The following SATB1 variants were observed in gnomAD, a reference collection of about 807,000 sequenced individuals.
SATB1 encodes the protein DNA-binding protein SATB1.
Under a neutral mutation model 86.9 loss-of-function variants are expected in SATB1, and 11 were observed. That is an observed-to-expected ratio of 0.13 (90% CI 0.08 to 0.21). SATB1 has a LOEUF of 0.21. SATB1 is among the 10% of genes least tolerant of loss of function. The probability of loss-of-function intolerance (pLI) is 1.00; values close to 1 mark genes in which losing one functional copy is unlikely to be tolerated. For missense variants in SATB1, 551 were observed against 937.6 expected, an observed-to-expected ratio of 0.59 and a Z score of 5.39; for synonymous variants, 357 against 357.2, an observed-to-expected ratio of 1.00 and a Z score of 0.01.
At chr3:18,389,604 C>T (rs986649490) in intron 7 of SATB1, among the ~76,000 whole-genome samples, 3 of 151,936 alleles carry the variant, frequency 2.0e-5, no homozygotes, top group East Asian at 1.9e-4. Flanking sequence ...GGACAGTAAG[C>T]GTGACCTTTT....
chr3:18,387,158 T>C (rs9758423), intron 7 of SATB1, among the ~76,000 whole-genome samples: 129,817 of 152,230 alleles, frequency 0.85, 55,506 homozygotes, highest in East Asian at 0.94. Flanking sequence ...CCTTAAACTC[T>C]GACTTATCAA....
At position 18,353,554 on chromosome 3, in the gene SATB1, T is replaced by C. The variant is rs1234152448; in HGVS notation, c.1576-1359A>G. 3.3e-5 allele frequency among the ~76,000 whole-genome samples: 5 copies of C among 152,138 alleles called. No homozygotes were observed. In the East Asian group the frequency reaches 7.7e-4, roughly 23 times the overall value. On this transcript the variant is annotated intron_variant, in intron 9 of 10. Transcript: ENST00000338745. The stretch of plus-strand genomic sequence containing the variant: ...GGAAGTATAGTTTTTTTTTTAATTA[T>C]GTAATTTTTAGATCTAGCCAAGGAG...
chr3:18,360,333 T>G (rs1015166262), intron 9 of SATB1, among the ~76,000 whole-genome samples: 2 of 152,156 alleles, frequency 1.3e-5, no homozygotes, highest in African/African-American at 4.8e-5. Context: ...TACCCTACTG[T>G]GCACCATGAC....
At chr3:18,415,059 A>G (rs1698043596) in intron 5 of SATB1, 52 bp downstream of exon 5, 2 of 1,601,682 alleles carry the variant, frequency 1.2e-6, no homozygotes, top group South Asian at 1.1e-5. Flanking sequence ...TCAAACCTCA[A>G]ATCAGGGTTG....
chr3:18,372,738 C>A (rs985214830), intron 9 of SATB1, among the ~76,000 whole-genome samples: 3 of 152,200 alleles, frequency 2.0e-5, no homozygotes, highest in Admixed American at 6.5e-5. Context: ...ATATTTAAAG[C>A]CATTAATTTT....
chr3:18,359,779 TCTC>T (rs922579354), intron 9 of SATB1, among the ~76,000 whole-genome samples: 1 of 151,854 alleles, frequency 6.6e-6, no homozygotes, highest in Non-Finnish European at 1.5e-5. Context: ...CTTTTAATTT[TCTC>T]CTCATTCTTC....
intron 2 of SATB1, among the ~76,000 whole-genome samples, chr3:18,432,414 G>A (rs558436582): frequency 4.6e-5 from 7 of 152,068 alleles, no homozygotes; most frequent in South Asian, 2.1e-4. Flanking sequence ...GAAAGAATTC[G>A]CGATAACAAT....
At chr3:18,358,509 C>CT (rs1694762096) in intron 9 of SATB1, among the ~76,000 whole-genome samples, 1 of 151,916 alleles carries the variant, frequency 6.6e-6, no homozygotes, top group Admixed American at 6.6e-5. Context: ...CTGTAAGTAA[C>CT]TTTTCCTGCT....
Position 18,349,298 on chromosome 3 carries a change from C to G in SATB1, c.2164G>C (p.Glu722Gln). The change falls in exon 11 of 11, where the codon GAG becomes CAG. Residue 722 changes from glutamate (E) to glutamine (Q), a missense_variant. Glu to Gln is a conservative substitution (Grantham distance 29). Around this residue, in one of 8 missense-constraint regions of SATB1, gnomAD observed 33 missense variants for 85.4 expected, o/e 0.39. Coordinates refer to ENST00000338745, the MANE Select transcript of SATB1 (RefSeq NM_002971.6). The surrounding 1 kb of genome is among the most constrained non-coding windows in gnomAD (Gnocchi z 5.5). ...LEVDVAEYKE[E>Q]ELLKDLEESV... Reference sequence around the variant, plus strand: ...TCTTCCAAATCCTTCAGCAGCTCCTCTTCTTTATATTCTGCCACATCGACC... The same window carrying G: ...TCTTCCAAATCCTTCAGCAGCTCCTGTTCTTTATATTCTGCCACATCGACC... 6.2e-7 allele frequency: 1 copy of G among 1,614,224 alleles called. No individual in the cohort carries two copies. The highest frequency in any genetic ancestry group is 8.5e-7 in the Non-Finnish European group (1 of 1,180,036).
At chr3:18,381,132 C>A (rs1186985485) in intron 8 of SATB1, among the ~76,000 whole-genome samples, 2 of 152,210 alleles carry the variant, frequency 1.3e-5, no homozygotes, top group African/African-American at 4.8e-5. Flanking sequence ...TAGGGTGCAG[C>A]ACTAGAGTCT....
chr3:18,443,404 A>G (rs1189089546), upstream of SATB1, among the ~76,000 whole-genome samples: 1 of 152,176 alleles, frequency 6.6e-6, no homozygotes, highest in African/African-American at 2.4e-5. The surrounding 1 kb of genome is among the most constrained non-coding windows in gnomAD (Gnocchi z 4.4). Context: ...GTCTTAGAAC[A>G]TTTGCTTGTA....
chr3:18,426,706 G>A (rs1698716315), upstream of SATB1, among the ~76,000 whole-genome samples: 1 of 152,154 alleles, frequency 6.6e-6, no homozygotes, highest in Non-Finnish European at 1.5e-5. This position sits in a 1 kb window ranked among gnomAD's most constrained non-coding sequence, Gnocchi z 4.2. Flanking sequence ...TTTGCTGGTA[G>A]GGAAAAGAGA....
chr3:18,420,836 C>G lies in SATB1; in HGVS notation c.132G>C (p.Arg44Ser). 6.2e-7 allele frequency: 1 copy of G among 1,614,172 alleles called. No homozygotes were observed. The highest frequency in any genetic ancestry group is 8.5e-7 in the Non-Finnish European group (1 of 1,180,036). ...GCATTTTTGCACCTGTACTCCCAAG[C>G]CTTCCTCTTCCTAGCGGGCTCCCGT... ...EQNGSPLGRG[R>S]LGSTGAKMQG... is the part of the protein sequence containing the mutation. The change falls in exon 2 of 11, where the codon AGG becomes AGC. Residue 44 changes from arginine (R) to serine (S), a missense_variant. Physicochemically the swap from Arg to Ser is moderately radical, Grantham distance 110 (BLOSUM62 -1). Coordinates refer to ENST00000338745, the MANE Select transcript of SATB1 (RefSeq NM_002971.6).
intron 8 of SATB1, among the ~76,000 whole-genome samples, chr3:18,385,968 G>C (rs1289045814): frequency 1.3e-5 from 2 of 152,044 alleles, no homozygotes; most frequent in Non-Finnish European, 2.9e-5. Context: ...GTGTGTAATT[G>C]GTACCAGCTG....
chr3:18,379,556 A>T (rs1291498071), intron 8 of SATB1, among the ~76,000 whole-genome samples: 1 of 152,196 alleles, frequency 6.6e-6, no homozygotes, highest in East Asian at 1.9e-4. Flanking sequence ...GCATTAAATG[A>T]TATAGCCTTT....
intron 2 of SATB1, among the ~76,000 whole-genome samples, chr3:18,419,448 T>G (rs1268013588): frequency 1.3e-5 from 2 of 152,172 alleles, no homozygotes; most frequent in African/African-American, 4.8e-5. Context: ...ACGTCTGCCA[T>G]AAGGAGCAGT....
rs141181823 is a variant in SATB1, at chr3:18,403,686, G to A, written c.640-6396C>T. On this transcript the variant is annotated intron_variant, in intron 5 of 10. Coordinates refer to ENST00000338745, the MANE Select transcript of SATB1 (RefSeq NM_002971.6). ...ACCTTTAACTTCTCAGTCTATGCAT[G>A]GTGATGTATAAAGCCCTACAGTTAA... Among the ~76,000 whole-genome samples the A allele has an allele frequency of 4.6e-5, 7 of 152,116 alleles. No homozygotes were observed. The East Asian group carries it at 1.4e-3, about 29-fold the overall frequency.
intron 9 of SATB1, among the ~76,000 whole-genome samples, chr3:18,376,712 C>T (rs953540119): frequency 1.3e-5 from 2 of 152,040 alleles, no homozygotes; most frequent in African/African-American, 4.8e-5. Flanking sequence ...TTCAAGAGCC[C>T]TGTAATTTCC....
intron 9 of SATB1, among the ~76,000 whole-genome samples, chr3:18,373,430 C>T (rs894385175): frequency 1.3e-5 from 2 of 152,180 alleles, no homozygotes; most frequent in Non-Finnish European, 2.9e-5. Context: ...AAGATGCCTT[C>T]ACTAGCATGC....
Sources: gnomAD v4.1 joint callset for allele counts (sites outside exome capture counted in the v4.1 genomes callset) on GRCh38, gnomAD v4.1.1 for gene constraint, gnomAD v4.1.1 regional missense constraint, Gnocchi (gnomAD v3.1) non-coding constraint, MANE v1.5 for transcripts, NCBI Gene and HGNC (gene_info 2026-07-23, HGNC 2026-07-21) for gene names.